The following CSMD1 variants were observed in gnomAD, a reference collection of about 807,000 sequenced individuals.
The protein encoded by CSMD1 is CUB and sushi domain-containing protein 1.
CSMD1 carries 213 observed loss-of-function variants against 417.5 expected under a neutral mutation model. That is an observed-to-expected ratio of 0.51 (90% CI 0.46 to 0.57). The LOEUF is 0.57. Among genes scored for constraint, CSMD1 ranks in the 20% least tolerant of loss-of-function variants. The pLI, the probability that CSMD1 is intolerant of heterozygous loss-of-function variation, is 0.00. For synonymous variants in CSMD1, 2,862 were observed against 1,736.8 expected, an observed-to-expected ratio of 1.65 and a Z score of -16.11; for missense variants, 6,923 against 4,529.7, an observed-to-expected ratio of 1.53 and a Z score of -15.17.
chr8:3,060,083 C>T (rs908646607), intron 49 of CSMD1, among the ~76,000 whole-genome samples: 1 of 151,992 alleles, frequency 6.6e-6, no homozygotes, highest in African/African-American at 2.4e-5. Flanking sequence ...TCTTTCTATG[C>T]CTTATTCAAA....
At chr8:4,021,094 G>A (rs1056447927) in intron 4 of CSMD1, among the ~76,000 whole-genome samples, 5 of 152,164 alleles carry the variant, frequency 3.3e-5, no homozygotes, top group African/African-American at 1.2e-4. Flanking sequence ...TGAGGATAGA[G>A]GATACAACAA....
intron 1 of CSMD1, among the ~76,000 whole-genome samples, chr8:4,751,984 A>G (rs575596087): frequency 2.6e-5 from 4 of 152,210 alleles, no homozygotes; most frequent in Non-Finnish European, 5.9e-5. Context: ...ACACGACTGT[A>G]TATATGCGTG....
intron 8 of CSMD1, among the ~76,000 whole-genome samples, 195 bp from the exon 9 acceptor site, chr8:3,586,455 G>C (rs1258497572): frequency 2.0e-5 from 3 of 152,038 alleles, no homozygotes; most frequent in African/African-American, 7.2e-5. Context: ...AAAAGACTTG[G>C]GTTCAGATTC....
At chr8:3,488,491 T>C (rs1818185005) in intron 11 of CSMD1, among the ~76,000 whole-genome samples, 1 of 152,172 alleles carries the variant, frequency 6.6e-6, no homozygotes, top group Admixed American at 6.5e-5. Flanking sequence ...TCTTGCAGTA[T>C]AAAATGTAAT....
intron 48 of CSMD1, among the ~76,000 whole-genome samples, chr8:3,088,257 C>T (rs1814683593): frequency 6.6e-6 from 1 of 152,196 alleles, no homozygotes; most frequent in African/African-American, 2.4e-5. Flanking sequence ...GCTTCATCTG[C>T]ACAAGGCTAG....
intron 8 of CSMD1, among the ~76,000 whole-genome samples, chr8:3,603,468 C>G (rs927428787): frequency 3.9e-5 from 6 of 152,190 alleles, no homozygotes; most frequent in African/African-American, 1.4e-4. Flanking sequence ...CCCAATCCCA[C>G]TTTGTCCTCC....
chr8:3,834,889 C>T (rs1044587372), intron 5 of CSMD1, among the ~76,000 whole-genome samples: 15 of 151,852 alleles, frequency 9.9e-5, no homozygotes, highest in African/African-American at 3.4e-4. Flanking sequence ...CAAACAACCC[C>T]ATCAAAAAGT....
intron 3 of CSMD1, among the ~76,000 whole-genome samples, chr8:4,164,870 C>G (rs551432181): frequency 1.8e-5 from 2 of 108,426 alleles, no homozygotes; most frequent in African/African-American, 7.9e-5. Flanking sequence ...GAGCAAGACT[C>G]CATCTCAAAG....
intron 3 of CSMD1, among the ~76,000 whole-genome samples, chr8:4,360,736 CGCCTACCTCG>C (rs1303863403): frequency 6.6e-6 from 1 of 151,598 alleles, no homozygotes; most frequent in Non-Finnish European, 1.5e-5. Context: ...CCTCGTGATC[CGCCTACCTCG>C]GCCTCCAAAA....
At chr8:4,710,935 G>A (rs908020732) in intron 1 of CSMD1, among the ~76,000 whole-genome samples, 1 of 151,912 alleles carries the variant, frequency 6.6e-6, no homozygotes, top group African/African-American at 2.4e-5. Flanking sequence ...AACATAAAAG[G>A]ACCATGCCCT....
chr8:4,126,276 C>G (rs1802759327), intron 3 of CSMD1, among the ~76,000 whole-genome samples: 1 of 152,186 alleles, frequency 6.6e-6, no homozygotes, highest in African/African-American at 2.4e-5. Context: ...GCATGAATCA[C>G]TCTTTCTTCA....
chr8:4,055,282 T>C (rs142015598), intron 3 of CSMD1, among the ~76,000 whole-genome samples: 45 of 152,282 alleles, frequency 3.0e-4, no homozygotes, highest in African/African-American at 1.1e-3. Flanking sequence ...TTTTGTATTA[T>C]TGTTTTTCTC....
At chr8:4,224,644 A>T (rs1801236060) in intron 3 of CSMD1, among the ~76,000 whole-genome samples, 1 of 152,212 alleles carries the variant, frequency 6.6e-6, no homozygotes, top group African/African-American at 2.4e-5. Flanking sequence ...CATAGTGAAG[A>T]GGGAGATAAG....
At chr8:4,462,839 T>G (rs994353168) in intron 2 of CSMD1, among the ~76,000 whole-genome samples, 1 of 152,026 alleles carries the variant, frequency 6.6e-6, no homozygotes, top group African/African-American at 2.4e-5. Flanking sequence ...TAGACCCAAA[T>G]GTAAGAAGTG....
At chr8:4,452,962 A>C (rs1305952533) in intron 2 of CSMD1, among the ~76,000 whole-genome samples, 2 of 152,168 alleles carry the variant, frequency 1.3e-5, no homozygotes, top group Non-Finnish European at 2.9e-5. Flanking sequence ...TTTTCAATTT[A>C]AGCTTTTGTT....
chr8:3,268,934 T>C (rs1801636645), intron 26 of CSMD1, among the ~76,000 whole-genome samples: 1 of 152,202 alleles, frequency 6.6e-6, no homozygotes, highest in South Asian at 2.1e-4. Context: ...GTATTTTTTA[T>C]AGAAAGAAGC....
chr8:4,637,719 G>A (rs1050648504), intron 1 of CSMD1, among the ~76,000 whole-genome samples, 161 bp from the exon 2 acceptor site: 4 of 132,028 alleles, frequency 3.0e-5, no homozygotes, highest in East Asian at 2.5e-4. Flanking sequence ...GCCGGACTGC[G>A]GACTGCAGTG....
chr8:4,241,098 A>G (rs1049007722), intron 3 of CSMD1, among the ~76,000 whole-genome samples: 1 of 152,112 alleles, frequency 6.6e-6, no homozygotes, highest in Non-Finnish European at 1.5e-5. Context: ...TCTACATAGA[A>G]TCCTCTAAAC....
chr8:4,631,793 A>G (rs62486712), intron 2 of CSMD1, among the ~76,000 whole-genome samples: 16,400 of 152,230 alleles, frequency 0.11, 1,184 homozygotes, highest in Non-Finnish European at 0.16. Flanking sequence ...CATTGCAGAA[A>G]ATTAGGGGTA....
Sources: allele counts gnomAD v4.1 joint callset (sites outside exome capture counted in the v4.1 genomes callset), GRCh38; gene constraint gnomAD v4.1.1; transcripts MANE v1.5; gene names NCBI Gene and HGNC (gene_info 2026-07-23, HGNC 2026-07-21).